CR1: variants seen among roughly 807,000 people sequenced by gnomAD.
The protein encoded by CR1 is complement receptor type 1.
CR1 carries 116 observed loss-of-function variants against 187.3 expected under a neutral mutation model. That is an observed-to-expected ratio of 0.62 (90% CI 0.53 to 0.72). CR1 has a LOEUF of 0.72. Ranked by LOEUF, CR1 falls within the 30% of genes least tolerant of loss-of-function variation. The pLI, the probability that CR1 is intolerant of heterozygous loss-of-function variation, is 0.00. For missense variants in CR1, 1,731 were observed against 2,110.7 expected (o/e 0.82, Z 3.52); for synonymous variants, 576 against 747.1 (o/e 0.77, Z 3.73).
Position 207,580,628 on chromosome 1 carries a change from G to A in CR1, c.5216+15G>A, listed in dbSNP as rs376426107. On this transcript the variant is annotated intron_variant, in intron 31 of 46. Coordinates refer to ENST00000367049, the MANE Select transcript of CR1 (RefSeq NM_000651.6). ...TGTGATGAAGGGTAAGTGTGACCCA[G>A]AATTCAGATCAGGGACTCAGCACTG... 34 of 1,605,648 alleles carry A rather than the reference G, an allele frequency of 2.1e-5. No homozygotes were observed. The African/African-American group carries it at 4.6e-4, about 22-fold the overall frequency.
intron 4 of CR1, among the ~76,000 whole-genome samples, chr1:207,523,010 T>C (rs566728998): frequency 6.6e-6 from 1 of 152,334 alleles, no homozygotes; most frequent in Middle Eastern, 3.4e-3. Context: ...TCATATCTTT[T>C]ATATGTTGTG....
chr1:207,621,407 C>CAATT (rs1558275319), intron 43 of CR1, among the ~76,000 whole-genome samples: 3 of 152,050 alleles, frequency 2.0e-5, no homozygotes, highest in Non-Finnish European at 4.4e-5. Flanking sequence ...TTATGAAAAA[C>CAATT]AATTATGAAA....
At chr1:207,575,544 G>A (rs1256743822) in intron 27 of CR1, 51 bp from the exon 28 acceptor site, 32 of 1,610,608 alleles carry the variant, frequency 2.0e-5, no homozygotes, top group African/African-American at 2.7e-5. Context: ...ATGCTGTCAG[G>A]AAGTTGATGA....
chr1:207,607,567 A>C (rs1047999279), intron 36 of CR1, among the ~76,000 whole-genome samples: 1 of 152,162 alleles, frequency 6.6e-6, no homozygotes, highest in African/African-American at 2.4e-5. Context: ...ATAATAGTAA[A>C]TATTTCCAGT....
chr1:207,626,327 G>A (rs1386464919), intron 45 of CR1, among the ~76,000 whole-genome samples: 1 of 152,216 alleles, frequency 6.6e-6, no homozygotes, highest in Non-Finnish European at 1.5e-5. Flanking sequence ...AGAAGGCAGA[G>A]GTCCCTTCTT....
At chr1:207,623,813 A>T (rs1173789516) in intron 45 of CR1, among the ~76,000 whole-genome samples, 1 of 152,002 alleles carries the variant, frequency 6.6e-6, no homozygotes, top group Non-Finnish European at 1.5e-5. Context: ...CTTATGGCAC[A>T]CATATCATAT....
intron 43 of CR1, among the ~76,000 whole-genome samples, chr1:207,621,737 A>G (rs1005177581): frequency 6.6e-6 from 1 of 152,146 alleles, no homozygotes; most frequent in Admixed American, 6.5e-5. Flanking sequence ...TTTTTTCTTT[A>G]GTTCTGTATT....
chr1:207,613,125 G>A (rs1180371233), intron 39 of CR1, among the ~76,000 whole-genome samples: 1 of 152,130 alleles, frequency 6.6e-6, no homozygotes, highest in Non-Finnish European at 1.5e-5. Flanking sequence ...TTGTTGTCCC[G>A]CATCCAAGAA....
intron 33 of CR1, among the ~76,000 whole-genome samples, chr1:207,586,619 C>T (rs758544551): frequency 1.3e-5 from 2 of 152,220 alleles, no homozygotes; most frequent in African/African-American, 2.4e-5. Flanking sequence ...TCTTCTAAGG[C>T]TCTGGAAAAT....
intron 35 of CR1, among the ~76,000 whole-genome samples, chr1:207,590,695 G>A (rs188259927): frequency 0.017 from 2,540 of 151,676 alleles, 61 homozygotes; most frequent in African/African-American, 0.058. Flanking sequence ...AGACCCATTG[G>A]TGTGCTGTAT....
chr1:207,520,950 AT>A (rs770864560), intron 4 of CR1, among the ~76,000 whole-genome samples: 1,586 of 64,832 alleles, frequency 0.024, 13 homozygotes, highest in African/African-American at 0.044. Context: ...GGGTTTGCAC[AT>A]TTTTTTTTTT....
chr1:207,581,231 TAGAC>T (rs1660933011), intron 31 of CR1, among the ~76,000 whole-genome samples: 2 of 145,784 alleles, frequency 1.4e-5, no homozygotes, highest in African/African-American at 5.1e-5. Flanking sequence ...CACGTATATG[TAGAC>T]GTATACATAT....
At chr1:207,607,456 A>G (rs1661786110) in intron 36 of CR1, 120 bp downstream of exon 36, 1 of 711,148 alleles carries the variant, frequency 1.4e-6, no homozygotes, top group Non-Finnish European at 2.4e-6. Flanking sequence ...TGAAAATAGG[A>G]GTCAGATGCT....
intron 45 of CR1, among the ~76,000 whole-genome samples, chr1:207,628,670 C>T (rs1241727042): frequency 6.6e-6 from 1 of 152,146 alleles, no homozygotes; most frequent in Non-Finnish European, 1.5e-5. Context: ...TGTTAGTTGC[C>T]ATTTCTGAAT....
chr1:207,596,388 C>A (rs1190052828), intron 35 of CR1, among the ~76,000 whole-genome samples: 1 of 151,782 alleles, frequency 6.6e-6, no homozygotes, highest in Non-Finnish European at 1.5e-5. Context: ...CTGAGGCGGG[C>A]AGAACACCTG....
At chr1:207,509,367 C>T (rs1162061494) in intron 3 of CR1, among the ~76,000 whole-genome samples, 1 of 152,182 alleles carries the variant, frequency 6.6e-6, no homozygotes, top group Non-Finnish European at 1.5e-5. Context: ...GATGTAAAGG[C>T]TTCAATCTGT....
rs1188219151 is a variant in CR1, at chr1:207,616,785, A to C, written c.6872A>C (p.Glu2291Ala). The C allele has an allele frequency of 6.2e-7, 1 of 1,613,950 alleles. No individual in the cohort carries two copies. The highest frequency in any genetic ancestry group is 1.1e-5 in the South Asian group (1 of 91,082). ...GVWSSPAPRC[E>A]LSVPAACPHP... Reference sequence around the variant, plus strand: ...TGGAGCAGCCCTGCCCCTCGCTGTGAACTTTCTGTTCCTGCTGGTTAGTAC... The same window carrying C: ...TGGAGCAGCCCTGCCCCTCGCTGTGCACTTTCTGTTCCTGCTGGTTAGTAC... Residue 2291 changes from glutamate to alanine, a missense_variant, in exon 41 of 47, where the codon GAA becomes GCA. By Grantham distance (107) the Glu-to-Ala change is moderately radical (BLOSUM62 -1). This residue lies in a region of CR1 where 1,312 missense variants were observed against 1,379.6 expected (regional missense o/e 0.95). Transcript: ENST00000367049.
At chr1:207,514,146 G>C (rs1275472182) in intron 4 of CR1, among the ~76,000 whole-genome samples, 1 of 151,850 alleles carries the variant, frequency 6.6e-6, no homozygotes, top group East Asian at 1.9e-4. Context: ...TTTTTGAAAG[G>C]CAAATGATTT....
Position 207,639,657 on chromosome 1 carries a change from G to A in CR1, c.*248G>A. 2.3e-6 allele frequency: 1 copy of A among 426,240 alleles called. No individual in the cohort carries two copies. The highest frequency in any genetic ancestry group is 4.2e-6 in the Non-Finnish European group (1 of 237,928). The allele number at this position is 426,240 out of a possible 1,614,324, so 26.4% of individuals were successfully genotyped here. A position where few individuals can be genotyped will look rare whatever the true frequency, so the allele number is the denominator to read the frequency against. ...AAACGCACACAGTATCTAGTCAGGG[G>A]AAAAGACTGCATTTAGGAGATAGAA... is the stretch of plus-strand genomic sequence containing the variant. On this transcript the variant is annotated 3_prime_UTR_variant, in exon 47 of 47. Transcript: ENST00000367049.
Sources: allele counts gnomAD v4.1 joint callset (sites outside exome capture counted in the v4.1 genomes callset), GRCh38; gene constraint gnomAD v4.1.1; regional missense constraint gnomAD v4.1.1; transcripts MANE v1.5; gene names NCBI Gene and HGNC (gene_info 2026-07-23, HGNC 2026-07-21).